Variants in PLXNC1 observed in about 807,000 individuals in gnomAD.
The protein encoded by PLXNC1 is plexin C1, also known as plexin-C1.
PLXNC1 carries 75 observed loss-of-function variants against 178.2 expected under a neutral mutation model. The ratio of observed to expected loss-of-function variants is 0.42; its 90% CI spans 0.35 to 0.51. PLXNC1 has a LOEUF of 0.51. Ranked by LOEUF, PLXNC1 falls within the 20% of genes least tolerant of loss-of-function variation. PLXNC1 has a pLI of 0.02. For synonymous variants in PLXNC1, 790 were observed against 779.9 expected (o/e 1.01, Z -0.22); for missense variants, 1,503 against 1,984.4 (o/e 0.76, Z 4.61).
intron 23 of PLXNC1, among the ~76,000 whole-genome samples, chr12:94,291,507 A>G (rs1372780812): frequency 1.3e-5 from 2 of 152,240 alleles, no homozygotes; most frequent in African/African-American, 2.4e-5. Flanking sequence ...CTGGGATTAC[A>G]GTCATGAACC....
At chr12:94,234,252 C>A (rs1006608933) in intron 9 of PLXNC1, among the ~76,000 whole-genome samples, 1 of 152,132 alleles carries the variant, frequency 6.6e-6, no homozygotes, top group Non-Finnish European at 1.5e-5. Context: ...CCATTAATGT[C>A]ATGGTAATTT....
chr12:94,248,044 C>G lies in PLXNC1; in HGVS notation c.2530C>G (p.Pro844Ala). The G allele has an allele frequency of 6.2e-7, 1 of 1,614,028 alleles. No homozygotes were observed. The highest frequency in any genetic ancestry group is 8.5e-7 in the Non-Finnish European group (1 of 1,179,990). The change falls in exon 13 of 31, where the codon CCC becomes GCC. Residue 844 changes from proline (P) to alanine (A), a missense_variant. Physicochemically the swap from Pro to Ala is conservative, Grantham distance 27. This residue lies in a region of PLXNC1 where 639 missense variants were observed against 979.7 expected (regional missense o/e 0.65). Transcript: ENST00000258526. ...TGGAACCCTGCAGTATCGGGAGGAC[C>G]CCAGATTCACGGGGTATCGGGTGGA... Reference protein sequence around the residue: ...DCGTLQYREDPRFTGYRVESE... With the variant: ...DCGTLQYREDARFTGYRVESE...
intron 23 of PLXNC1, among the ~76,000 whole-genome samples, chr12:94,288,324 A>C (rs1966903499): frequency 6.6e-6 from 1 of 152,200 alleles, no homozygotes. Context: ...TCTCTCAGGC[A>C]TCTGGGCTCT....
At chr12:94,188,000 C>A (rs1340342794) in intron 4 of PLXNC1, among the ~76,000 whole-genome samples, 1 of 151,730 alleles carries the variant, frequency 6.6e-6, no homozygotes, top group Non-Finnish European at 1.5e-5. Flanking sequence ...AGGGAGCAGT[C>A]AGAAGGGGAA....
Position 94,271,363 on chromosome 12 carries a change from G to A in PLXNC1, c.3597+6138G>A, listed in dbSNP as rs533068051. On this transcript the variant is annotated intron_variant, in intron 21 of 30. Transcript: ENST00000258526. ...TGAGGTAGCCAGATCATCTTCCCAT[G>A]TGGGAAAAGACCTGTTCCCCTGCCC... 1.2e-3 allele frequency among the ~76,000 whole-genome samples: 186 copies of A among 152,328 alleles called. 2 individuals are homozygous for A. Among genetic ancestry groups the A allele is most frequent in the African/African-American group, 4.3e-3 (180 of 41,578 alleles).
intron 15 of PLXNC1, 44 bp downstream of exon 15, chr12:94,251,572 G>T: frequency 4.0e-6 from 5 of 1,245,382 alleles, no homozygotes; most frequent in African/African-American, 1.5e-5. Context: ...ATTCCCTGGG[G>T]CCTCTCGCCG....
At chr12:94,177,215 GTGTGTATATATATACA>G (rs1962120956) in intron 2 of PLXNC1, among the ~76,000 whole-genome samples, 11 of 56,394 alleles carry the variant, frequency 2.0e-4, no homozygotes, top group Middle Eastern at 6.8e-3. Context: ...ATATATATGT[GTGTGTATATATATACA>G]TATATATATA....
At chr12:94,205,860 T>A (rs79642744) in intron 4 of PLXNC1, among the ~76,000 whole-genome samples, 16,751 of 152,232 alleles carry the variant, frequency 0.11, 969 homozygotes, top group Middle Eastern at 0.17. Flanking sequence ...GAACTATGAA[T>A]GTCCTCTATT....
intron 5 of PLXNC1, among the ~76,000 whole-genome samples, chr12:94,210,344 G>C (rs1012788317): frequency 1.3e-5 from 2 of 152,216 alleles, no homozygotes; most frequent in Non-Finnish European, 2.9e-5. Context: ...ATTTTCAAAT[G>C]CACACGCCAA....
intron 28 of PLXNC1, 112 bp downstream of exon 28, chr12:94,301,169 A>G (rs1185641053): frequency 2.8e-6 from 2 of 723,090 alleles, no homozygotes; most frequent in East Asian, 5.4e-5. Context: ...CCAGCTAAAA[A>G]GAGATAGCAA....
intron 28 of PLXNC1, among the ~76,000 whole-genome samples, chr12:94,302,383 T>C (rs1410250033): frequency 1.3e-5 from 2 of 148,526 alleles, no homozygotes; most frequent in Admixed American, 1.3e-4. Flanking sequence ...TTTTATTCAT[T>C]CGACAAATAT....
chr12:94,168,276 A>G (rs1453132938), intron 1 of PLXNC1: 1 of 152,226 alleles, frequency 6.6e-6, no homozygotes, highest in Non-Finnish European at 1.5e-5. Context: ...TCCTAGCTCC[A>G]TATCTTCCAG....
chr12:94,294,505 T>C lies in PLXNC1; in HGVS notation c.3899T>C (p.Ile1300Thr). The C allele has an allele frequency of 1.5e-6, 2 of 1,321,912 alleles. No individual in the cohort carries two copies. Among genetic ancestry groups the C allele is most frequent in the Non-Finnish European group, 1.1e-6 (1 of 922,852 alleles). The allele number at this position is 1,321,912 out of a possible 1,614,324, so 81.9% of individuals were successfully genotyped here. The change falls in exon 24 of 31, where the codon ATA becomes ACA. Residue 1300 changes from isoleucine (I) to threonine (T), a missense_variant. Coordinates refer to ENST00000258526, the MANE Select transcript of PLXNC1 (RefSeq NM_005761.3). ...TTTCAGATATCAAATGGATCCACTA[T>C]AAAAGTCTTTAAGAAGATAGCAAAT... ...GHYEISNGST[I>T]KVFKKIANFT...
In PLXNC1 at chr12:94,305,364, T is replaced by C. The variant is rs78460632; in HGVS notation, c.*79T>C. ...AAATGGCTGCTTGAGCTACTCTGTG[T>C]CGTTAATTTGTTGTTTGCACATAGG... On this transcript the variant is annotated 3_prime_UTR_variant, in exon 31 of 31. Transcript: ENST00000258526. 357 of 793,544 alleles carry C rather than the reference T, an allele frequency of 4.5e-4. No homozygotes were observed. Among genetic ancestry groups the C allele is most frequent in the Non-Finnish European group, 6.7e-4 (317 of 474,282 alleles). The allele number at this position is 793,544 out of a possible 1,614,324, so 49.2% of individuals were successfully genotyped here.
intron 11 of PLXNC1, among the ~76,000 whole-genome samples, chr12:94,242,160 T>A (rs970704654): frequency 1.3e-5 from 2 of 152,046 alleles, no homozygotes; most frequent in Non-Finnish European, 2.9e-5. Flanking sequence ...GAAATTTCTT[T>A]CTCCCCGGTT....
chr12:94,236,378 C>A (rs750783576), intron 9 of PLXNC1, among the ~76,000 whole-genome samples: 19 of 152,340 alleles, frequency 1.2e-4, no homozygotes, highest in Middle Eastern at 3.4e-3. Context: ...GCAGGATGGG[C>A]AGCCCCTGTA....
chr12:94,153,881 C>T (rs1433433669), intron 1 of PLXNC1, among the ~76,000 whole-genome samples: 1 of 152,222 alleles, frequency 6.6e-6, no homozygotes, highest in Non-Finnish European at 1.5e-5. Flanking sequence ...GGAGAAGTGA[C>T]ATCCCAGTTC....
Position 94,306,011 on chromosome 12 carries a change from A to G in PLXNC1, c.*726A>G, listed in dbSNP as rs1284228601. 2.0e-5 allele frequency: 3 copies of G among 152,166 alleles called. No homozygotes were observed. Among genetic ancestry groups the G allele is most frequent in the African/African-American group, 7.2e-5 (3 of 41,438 alleles). The allele number at this position is 152,166 out of a possible 1,614,324, so 9.4% of individuals were successfully genotyped here. A position where few individuals can be genotyped will look rare whatever the true frequency, so the allele number is the denominator to read the frequency against. ...GCATTTTAACCAGATACTTTGTCCT[A>G]ATGTATGTTCCTTTTCTTCATCTGT... On this transcript the variant is annotated 3_prime_UTR_variant, in exon 31 of 31. Coordinates refer to ENST00000258526, the MANE Select transcript of PLXNC1 (RefSeq NM_005761.3).
intron 21 of PLXNC1, among the ~76,000 whole-genome samples, chr12:94,278,736 G>C (rs184127237): frequency 6.6e-6 from 1 of 152,124 alleles, no homozygotes; most frequent in African/African-American, 2.4e-5. Context: ...AGTGGCTCAC[G>C]CCTGTAATCC....
Sources: allele counts gnomAD v4.1 joint callset (sites outside exome capture counted in the v4.1 genomes callset), GRCh38; gene constraint gnomAD v4.1.1; regional missense constraint gnomAD v4.1.1; transcripts MANE v1.5; gene names NCBI Gene and HGNC (gene_info 2026-07-23, HGNC 2026-07-21).